NDRG1: variants seen among roughly 807,000 people sequenced by gnomAD.
NDRG1 encodes protein NDRG1.
In NDRG1, 32 loss-of-function variants were observed where a neutral mutation model predicts 56.9. The ratio of observed to expected loss-of-function variants is 0.56; its 90% CI spans 0.42 to 0.76. NDRG1 has a LOEUF of 0.76. NDRG1 is among the 30% of genes least tolerant of loss of function. NDRG1 has a pLI of 0.00. For synonymous variants in NDRG1, 211 were observed against 204.1 expected (o/e 1.03, Z -0.29); for missense variants, 507 against 545.7 (o/e 0.93, Z 0.71).
At chr8:133,254,818 T>G (rs1856281906) in intron 8 of NDRG1, 1 of 581,634 alleles carries the variant, frequency 1.7e-6, no homozygotes, top group Non-Finnish European at 3.1e-6. Flanking sequence ...AGTTCCTTAT[T>G]TTCAGAGGCC....
chr8:133,243,362 T>C (rs1855490296), intron 14 of NDRG1, among the ~76,000 whole-genome samples: 1 of 152,206 alleles, frequency 6.6e-6, no homozygotes, highest in Non-Finnish European at 1.5e-5. Context: ...GGGCCCAATT[T>C]TAGCTCCAGT....
In NDRG1 at chr8:133,250,430, A is replaced by C. The variant is rs1330639454; in HGVS notation, c.698+10T>G. ...AATAGCAATGATGTGGCTGAACTAC[A>C]TCCCAATACCTGTTGTAGGCATTGA... On this transcript the variant is annotated intron_variant, in intron 10 of 15. Transcript: ENST00000323851. 6.2e-7 allele frequency: 1 copy of C among 1,609,338 alleles called. No individual in the cohort carries two copies. The highest frequency in any genetic ancestry group is 8.5e-7 in the Non-Finnish European group (1 of 1,175,686).
At chr8:133,240,248 A>G (rs547634371) in intron 15 of NDRG1, 1 of 152,260 alleles carries the variant, frequency 6.6e-6, no homozygotes, top group African/African-American at 2.4e-5. Flanking sequence ...ACTCCACCCA[A>G]CTGAAGCATC....
intron 8 of NDRG1, chr8:133,255,371 A>T: frequency 2.2e-6 from 1 of 456,342 alleles, no homozygotes. Flanking sequence ...ACATCACAGT[A>T]TCTAATACCA....
At chr8:133,248,862 G>C in intron 10 of NDRG1, 91 bp from the exon 11 acceptor site, 1 of 1,455,474 alleles carries the variant, frequency 6.9e-7, no homozygotes, top group Non-Finnish European at 9.6e-7. Context: ...GGTCCTGCCA[G>C]TGGCCATTCT....
intron 8 of NDRG1, chr8:133,254,829 C>T (rs1037707591): frequency 1.8e-6 from 1 of 568,488 alleles, no homozygotes; most frequent in Non-Finnish European, 3.2e-6. Flanking sequence ...TTCAGAGGCC[C>T]ATGCACAAGA....
chr8:133,275,827 T>A (rs1229905348), intron 3 of NDRG1, among the ~76,000 whole-genome samples: 1 of 152,196 alleles, frequency 6.6e-6, no homozygotes, highest in African/African-American at 2.4e-5. Context: ...TCTCTCTCCG[T>A]AGGATGGGGA....
At chr8:133,251,837 C>A (rs894185701) in intron 9 of NDRG1, among the ~76,000 whole-genome samples, 2 of 152,096 alleles carry the variant, frequency 1.3e-5, no homozygotes, top group Non-Finnish European at 2.9e-5. Flanking sequence ...ATTACATGAG[C>A]CGGGATGAAA....
Position 133,238,724 on chromosome 8 carries a change from C to A in NDRG1, c.*154G>T, listed in dbSNP as rs1365559955. The A allele has an allele frequency of 3.1e-6, 3 of 959,050 alleles. No individual in the cohort carries two copies. The highest frequency in any genetic ancestry group is 3.0e-6 in the Non-Finnish European group (2 of 663,932). 59.4% of individuals were successfully genotyped at this position (959,050 alleles called of 1,614,324 possible). On this transcript the variant is annotated 3_prime_UTR_variant, in exon 16 of 16. Transcript: ENST00000323851. The stretch of plus-strand genomic sequence containing the variant: ...TTGGAGAGGGCACCCACGTAATAGA[C>A]CTCATTTGTCTCCACCAGAGCTCAC...
chr8:133,243,841 T>C (rs751297750), intron 14 of NDRG1, among the ~76,000 whole-genome samples: 1 of 152,140 alleles, frequency 6.6e-6, no homozygotes, highest in Non-Finnish European at 1.5e-5. Flanking sequence ...GGAGGGGAAA[T>C]TGAAGGGATC....
chr8:133,281,870 T>G (rs1352145887), intron 2 of NDRG1, among the ~76,000 whole-genome samples: 1 of 152,170 alleles, frequency 6.6e-6, no homozygotes, highest in African/African-American at 2.4e-5. Flanking sequence ...CATGTGAGTG[T>G]GTACTGGTGG....
chr8:133,264,281 C>T (rs961173284), intron 4 of NDRG1, among the ~76,000 whole-genome samples: 4 of 152,176 alleles, frequency 2.6e-5, no homozygotes, highest in African/African-American at 9.7e-5. Context: ...AAACCATATG[C>T]GTGCATTAAT....
At chr8:133,245,449 C>G (rs1282859440) in intron 13 of NDRG1, among the ~76,000 whole-genome samples, 1 of 152,126 alleles carries the variant, frequency 6.6e-6, no homozygotes, top group Non-Finnish European at 1.5e-5. Flanking sequence ...AGAGCGGGCC[C>G]TAAAGCTAAC....
rs3808599 is a variant in NDRG1, at chr8:133,255,643, C to A, written c.538-1048G>T. Reference sequence around the variant, plus strand: ...ACTCCAGAACGTCATACAGGCTGGACGGAAGGGCTCCTGCATTCTGGAGGA... The same window carrying A: ...ACTCCAGAACGTCATACAGGCTGGAAGGAAGGGCTCCTGCATTCTGGAGGA... On this transcript the variant is annotated intron_variant, in intron 8 of 15. Coordinates refer to ENST00000323851, the MANE Select transcript of NDRG1 (RefSeq NM_006096.4). 1.3e-4 allele frequency: 41 copies of A among 309,728 alleles called. 1 individual carries two copies. The highest frequency in any genetic ancestry group is 2.2e-4 in the Non-Finnish European group (35 of 157,232). The allele number at this position is 309,728 out of a possible 1,614,324, so 19.2% of individuals were successfully genotyped here.
intron 1 of NDRG1, among the ~76,000 whole-genome samples, chr8:133,294,202 G>T (rs955684077): frequency 2.6e-4 from 40 of 152,330 alleles, no homozygotes; most frequent in African/African-American, 8.9e-4. Flanking sequence ...CAAAGGCTCT[G>T]AAGTCCAACT....
intron 3 of NDRG1, among the ~76,000 whole-genome samples, chr8:133,279,570 G>A (rs575804136): frequency 2.0e-5 from 3 of 152,314 alleles, no homozygotes; most frequent in East Asian, 3.9e-4. Flanking sequence ...CCAGGAGTGC[G>A]CCTCTCCTCC....
At chr8:133,266,665 CT>C (rs1856936678) in intron 3 of NDRG1, among the ~76,000 whole-genome samples, 1 of 152,230 alleles carries the variant, frequency 6.6e-6, no homozygotes, top group Non-Finnish European at 1.5e-5. Flanking sequence ...TCCACCTCTG[CT>C]ACTTCTTACC....
intron 14 of NDRG1, among the ~76,000 whole-genome samples, chr8:133,243,920 GCA>G (rs1163299264): frequency 6.6e-6 from 1 of 151,850 alleles, no homozygotes. Context: ...ATTTACACAT[GCA>G]CACAGACATG....
At chr8:133,284,904 G>A (rs763991744) in intron 1 of NDRG1, 3 of 453,498 alleles carry the variant, frequency 6.6e-6, no homozygotes, top group Non-Finnish European at 8.9e-6. Context: ...CTGCTAAAAG[G>A]GAAGAGGGGC....
Sources: gnomAD v4.1 joint callset for allele counts (sites outside exome capture counted in the v4.1 genomes callset) on GRCh38, gnomAD v4.1.1 for gene constraint, MANE v1.5 for transcripts, NCBI Gene and HGNC (gene_info 2026-07-23, HGNC 2026-07-21) for gene names.